ATP9B: variants seen among roughly 807,000 people sequenced by gnomAD.
ATP9B encodes the protein probable phospholipid-transporting ATPase IIB.
Under a neutral mutation model 146.1 loss-of-function variants are expected in ATP9B, and 110 were observed. The observed-to-expected ratio is 0.75, with a 90% CI of 0.65 to 0.88. The LOEUF (loss-of-function observed/expected upper bound fraction) is 0.88. Ranked by LOEUF, ATP9B falls within the 40% of genes least tolerant of loss-of-function variation. ATP9B has a pLI of 0.00. For synonymous variants in ATP9B, 604 were observed against 569.7 expected (o/e 1.06, Z -0.86); for missense variants, 1,499 against 1,496.4 (o/e 1.00, Z -0.03).
intron 27 of ATP9B, 125 bp downstream of exon 27, chr18:79,373,007 C>A: frequency 1.6e-6 from 1 of 619,958 alleles, no homozygotes; most frequent in Admixed American, 3.0e-5. Flanking sequence ...GTTAAATACT[C>A]CCTTCTGTTT....
At chr18:79,197,828 G>A (rs958204824) in intron 9 of ATP9B, among the ~76,000 whole-genome samples, 12 of 152,182 alleles carry the variant, frequency 7.9e-5, no homozygotes, top group Admixed American at 6.5e-5. Flanking sequence ...GAGACTGTCA[G>A]ACTGGAGAAA....
chr18:79,164,844 G>A (rs965898132), intron 7 of ATP9B, among the ~76,000 whole-genome samples: 1 of 152,206 alleles, frequency 6.6e-6, no homozygotes, highest in Admixed American at 6.5e-5. Context: ...TTTAATATTT[G>A]TGTAGAGTAA....
chr18:79,231,154 CATAA>C (rs2148574974), intron 11 of ATP9B, among the ~76,000 whole-genome samples: 1 of 152,062 alleles, frequency 6.6e-6, no homozygotes, highest in African/African-American at 2.4e-5. Flanking sequence ...ATAGACGCGA[CATAA>C]ACTAAAAAGC....
intron 2 of ATP9B, among the ~76,000 whole-genome samples, chr18:79,098,867 A>G (rs1270909544): frequency 6.6e-6 from 1 of 152,040 alleles, no homozygotes; most frequent in African/African-American, 2.4e-5. Flanking sequence ...CTTTCATTCC[A>G]TTGACATTTT....
chr18:79,072,951 G>C (rs1322947732), intron 1 of ATP9B, among the ~76,000 whole-genome samples: 3 of 149,508 alleles, frequency 2.0e-5, no homozygotes, highest in African/African-American at 7.4e-5. Context: ...CATCCCAGAC[G>C]ATGGGCGGCC....
Position 79,205,014 on chromosome 18 carries a change from C to T in ATP9B, c.955-1923C>T, listed in dbSNP as rs1242948575. On this transcript the variant is annotated intron_variant, in intron 9 of 29. Coordinates refer to ENST00000426216, the MANE Select transcript of ATP9B (RefSeq NM_198531.5). ...AGGCTCAGACGCTAAGGTCAGTCTT[C>T]AGGTCAGGCGGTCGCCTTCTTGTGA... is the stretch of plus-strand genomic sequence containing the variant. Among the ~76,000 whole-genome samples the T allele has an allele frequency of 2.6e-5, 4 of 152,096 alleles. No homozygotes were observed. The East Asian group carries it at 7.7e-4, about 29-fold the overall frequency.
chr18:79,178,317 T>C (rs1179270697), intron 8 of ATP9B, among the ~76,000 whole-genome samples: 3 of 152,206 alleles, frequency 2.0e-5, no homozygotes, highest in African/African-American at 4.8e-5. Flanking sequence ...CCAGTTTTTA[T>C]TGTAGTCATT....
In ATP9B at chr18:79,297,797, A is replaced by G. The variant is rs533663394; in HGVS notation, c.1412-5807A>G. Among the ~76,000 whole-genome samples the G allele has an allele frequency of 2.3e-4, 26 of 113,124 alleles. 6 individuals carry two copies. In the East Asian group the frequency reaches 7.4e-3, roughly 32 times the overall value. 74.2% of individuals were successfully genotyped at this position (113,124 alleles called of 152,430 possible). Reference sequence around the variant, plus strand: ...TAAGACTCTACACTGTCGTGTAATAATTGTATCTAATGCTGGCCTGATCTG... The same window carrying G: ...TAAGACTCTACACTGTCGTGTAATAGTTGTATCTAATGCTGGCCTGATCTG... On this transcript the variant is annotated intron_variant, in intron 13 of 29. Coordinates refer to ENST00000426216, the MANE Select transcript of ATP9B (RefSeq NM_198531.5).
chr18:79,136,632 T>G (rs1034649178), intron 5 of ATP9B, among the ~76,000 whole-genome samples: 1 of 152,244 alleles, frequency 6.6e-6, no homozygotes, highest in Non-Finnish European at 1.5e-5. Flanking sequence ...TAAATTTTTC[T>G]TTTAAATTCT....
intron 26 of ATP9B, among the ~76,000 whole-genome samples, chr18:79,371,042 TA>T (rs2097066431): frequency 6.6e-6 from 1 of 152,202 alleles, no homozygotes; most frequent in African/African-American, 2.4e-5. Flanking sequence ...TTGGAGTATA[TA>T]AATGGTTTAA....
In ATP9B at chr18:79,344,354, G is replaced by A; in HGVS notation, c.2472G>A (p.Glu824=). 2 of 1,614,040 alleles carry A rather than the reference G, an allele frequency of 1.2e-6. No individual in the cohort carries two copies. Among genetic ancestry groups the A allele is most frequent in the Non-Finnish European group, 1.7e-6 (2 of 1,179,904 alleles). Reference sequence around the variant, plus strand: ...TAGTCATATCTGGGGACTCTCTGGAGGTAAGGCTGGACCCTGAGTGAGTAC... The same window carrying A: ...TAGTCATATCTGGGGACTCTCTGGAAGTAAGGCTGGACCCTGAGTGAGTAC... ...CALVISGDSL[E]VCLKYYEHEF... The change falls in exon 21 of 30, where the codon GAG becomes GAA. Residue 824 remains glutamate, a splice_region_variant and synonymous_variant. Transcript: ENST00000426216.
At chr18:79,090,380 A>G (rs1050275627) in intron 1 of ATP9B, among the ~76,000 whole-genome samples, 2 of 152,240 alleles carry the variant, frequency 1.3e-5, no homozygotes, top group Non-Finnish European at 2.9e-5. Flanking sequence ...ACTAATTTAC[A>G]TTCCCACCAA....
intron 6 of ATP9B, among the ~76,000 whole-genome samples, chr18:79,147,956 G>A: frequency 6.6e-6 from 1 of 152,138 alleles, no homozygotes; most frequent in South Asian, 2.1e-4. Flanking sequence ...AAAAAGTGAT[G>A]TCACAAATCA....
intron 11 of ATP9B, among the ~76,000 whole-genome samples, chr18:79,231,869 CT>C (rs1463076842): frequency 3.8e-4 from 57 of 150,042 alleles, no homozygotes; most frequent in African/African-American, 1.4e-3. Context: ...TTTAAAACAA[CT>C]TGGATGGAAT....
intron 7 of ATP9B, among the ~76,000 whole-genome samples, chr18:79,167,927 C>T (rs2095002030): frequency 6.6e-6 from 1 of 152,202 alleles, no homozygotes; most frequent in Admixed American, 6.5e-5. Context: ...GCCTGCAGGC[C>T]TGCCCCGAGC....
intron 10 of ATP9B, 86 bp downstream of exon 10, chr18:79,207,098 C>T (rs986211041): frequency 1.5e-6 from 2 of 1,301,184 alleles, no homozygotes; most frequent in African/African-American, 1.5e-5. Context: ...AAGGGTTTCT[C>T]ACAGTGCCCT....
At chr18:79,315,379 A>G (rs1160185703) in intron 15 of ATP9B, among the ~76,000 whole-genome samples, 1 of 152,210 alleles carries the variant, frequency 6.6e-6, no homozygotes, top group Admixed American at 6.5e-5. Flanking sequence ...TAGAGAATAA[A>G]TACTACGTAG....
intron 6 of ATP9B, among the ~76,000 whole-genome samples, chr18:79,150,463 A>G (rs552538927): frequency 6.6e-6 from 1 of 152,336 alleles, no homozygotes; most frequent in East Asian, 1.9e-4. Flanking sequence ...CAGAAAGTCC[A>G]TATATCCCAG....
rs1436251249 is a variant in ATP9B at position 79,206,926 on chromosome 18, T to C, written c.955-11T>C. On this transcript the variant is annotated splice_polypyrimidine_tract_variant and intron_variant, in intron 9 of 29. Transcript: ENST00000426216. ...TTGACGGTTTTGTTTTCTTTTTGTCTCCCTGCACAGGAAGACAGTGACCCG... is the reference window on the plus strand; with the variant it reads ...TTGACGGTTTTGTTTTCTTTTTGTCCCCCTGCACAGGAAGACAGTGACCCG... 6.2e-7 allele frequency: 1 copy of C among 1,613,328 alleles called. No individual in the cohort carries two copies. The highest frequency in any genetic ancestry group is 1.1e-5 in the South Asian group (1 of 91,034).
Sources: gnomAD v4.1 joint callset for allele counts (sites outside exome capture counted in the v4.1 genomes callset) on GRCh38, gnomAD v4.1.1 for gene constraint, MANE v1.5 for transcripts, NCBI Gene and HGNC (gene_info 2026-07-23, HGNC 2026-07-21) for gene names.